CCT3: variants seen among roughly 807,000 people sequenced by gnomAD.
The protein encoded by CCT3 is chaperonin containing TCP1 subunit 3, also known as T-complex protein 1 subunit gamma.
A neutral mutation model predicts 65.3 loss-of-function variants in CCT3; 10 were observed. The ratio of observed to expected loss-of-function variants is 0.15; its 90% confidence interval spans 0.09 to 0.26. CCT3 has a LOEUF of 0.26. Among genes scored for constraint, CCT3 ranks in the 10% least tolerant of loss-of-function variants. The pLI is 1.00. For synonymous variants in CCT3, 225 were observed against 242.3 expected, an observed-to-expected ratio of 0.93 and a Z score of 0.66; for missense variants, 626 against 708.7, an observed-to-expected ratio of 0.88 and a Z score of 1.33.
At chr1:156,326,759 T>C (rs1664831514) in intron 5 of CCT3, among the ~76,000 whole-genome samples, 1 of 151,996 alleles carries the variant, frequency 6.6e-6, no homozygotes, top group Non-Finnish European at 1.5e-5. Context: ...TTGTCTTTAC[T>C]TTCTGGCTGG....
chr1:156,334,819 A>G, intron 3 of CCT3, 44 bp from the exon 4 acceptor site: 2 of 1,613,762 alleles, frequency 1.2e-6, no homozygotes, highest in Middle Eastern at 1.6e-4. Context: ...CCTAGATAAC[A>G]GGAAGAAAAA....
At chr1:156,323,816 G>A (rs952151498) in intron 6 of CCT3, among the ~76,000 whole-genome samples, 1 of 151,762 alleles carries the variant, frequency 6.6e-6, no homozygotes, top group African/African-American at 2.4e-5. Flanking sequence ...AGGCTGGAGT[G>A]CAATGGTGCG....
chr1:156,319,744 T>TA (rs963876568), intron 7 of CCT3, among the ~76,000 whole-genome samples: 25 of 152,016 alleles, frequency 1.6e-4, no homozygotes, highest in Non-Finnish European at 2.8e-4. Flanking sequence ...TCTCTCCAAT[T>TA]AAAAAAATAA....
At chr1:156,324,017 C>G (rs1558269265) in intron 6 of CCT3, among the ~76,000 whole-genome samples, 4 of 151,288 alleles carry the variant, frequency 2.6e-5, no homozygotes, top group Admixed American at 1.3e-4. Context: ...CCCGCCTTGG[C>G]CTCCCAAAGT....
chr1:156,312,697 A>C (rs1369474069), intron 10 of CCT3, among the ~76,000 whole-genome samples: 4 of 152,056 alleles, frequency 2.6e-5, no homozygotes, highest in Admixed American at 6.6e-5. Context: ...ACAACAACAA[A>C]AAAAACTGAA....
At chr1:156,327,391 C>A (rs2101659776) in intron 5 of CCT3, among the ~76,000 whole-genome samples, 1 of 152,268 alleles carries the variant, frequency 6.6e-6, no homozygotes, top group East Asian at 1.9e-4. Flanking sequence ...AACCTCCCTG[C>A]CTGATTCTCC....
intron 12 of CCT3, 83 bp from the exon 13 acceptor site, chr1:156,310,772 G>GGCCGGGCGCGGTGGCTCACGCCTGTAA: frequency 6.6e-7 from 1 of 1,507,674 alleles, no homozygotes; most frequent in Non-Finnish European, 9.1e-7. Context: ...CAATGGACCA[G>GGCCGGGCGCGGTGGCTCACGCCTGTAA]TATGGAAGGG....
chr1:156,326,671 A>G (rs983275184), intron 5 of CCT3, among the ~76,000 whole-genome samples: 2 of 117,000 alleles, frequency 1.7e-5, no homozygotes, highest in Admixed American at 1.0e-4. Context: ...AAAAAAGAAA[A>G]AGAAAAAAAA....
intron 7 of CCT3, among the ~76,000 whole-genome samples, chr1:156,319,358 C>T (rs915130543): frequency 4.6e-5 from 7 of 151,982 alleles, no homozygotes; most frequent in Admixed American, 1.3e-4. Flanking sequence ...CCTCGTGATC[C>T]GCCCGCCTCG....
chr1:156,335,975 A>G (rs1665327315), intron 1 of CCT3, 87 bp from the exon 2 acceptor site: 2 of 1,080,908 alleles, frequency 1.9e-6, no homozygotes, highest in Admixed American at 3.8e-5. Context: ...AAAAATAAGA[A>G]TGCAGGTTTC....
intron 11 of CCT3, among the ~76,000 whole-genome samples, chr1:156,311,688 A>G (rs972995795): frequency 6.6e-6 from 1 of 152,208 alleles, no homozygotes; most frequent in African/African-American, 2.4e-5. Context: ...CGTAAAAAAT[A>G]AGAAAACAGT....
chr1:156,318,799 T>C, intron 8 of CCT3, 69 bp downstream of exon 8: 2 of 1,509,638 alleles, frequency 1.3e-6, no homozygotes, highest in South Asian at 1.2e-5. Context: ...ACATACGTTT[T>C]ATTTCTGTTG....
intron 6 of CCT3, among the ~76,000 whole-genome samples, chr1:156,322,986 G>A (rs1038800421): frequency 2.0e-5 from 3 of 151,540 alleles, no homozygotes; most frequent in African/African-American, 7.3e-5. Context: ...GCCAGACAAA[G>A]ATATTAATGT....
intron 10 of CCT3, among the ~76,000 whole-genome samples, chr1:156,313,115 G>A (rs984145546): frequency 6.6e-6 from 1 of 152,060 alleles, no homozygotes. Context: ...AGGCCGAGGT[G>A]GGTGGATGAC....
chr1:156,320,234 G>A (rs1034949463), intron 7 of CCT3, among the ~76,000 whole-genome samples: 27 of 151,870 alleles, frequency 1.8e-4, no homozygotes, highest in Non-Finnish European at 2.9e-5. Flanking sequence ...GTGAAACCCC[G>A]TCTCTACTTA....
chr1:156,322,004 C>T (rs1287842392), intron 6 of CCT3, among the ~76,000 whole-genome samples: 4 of 152,160 alleles, frequency 2.6e-5, no homozygotes, highest in Non-Finnish European at 5.9e-5. Flanking sequence ...GCCTGTAAAC[C>T]CAACACTTTG....
chr1:156,333,558 A>G lies in CCT3; in HGVS notation c.293T>C (p.Val98Ala). 1 of 1,613,124 alleles carries G rather than the reference A, an allele frequency of 6.2e-7. No individual in the cohort carries two copies. The highest frequency in any genetic ancestry group is 8.5e-7 in the Non-Finnish European group (1 of 1,179,128). The change falls in exon 5 of 14, where the codon GTA (valine) becomes GCA (alanine). Residue 98 changes from valine (V) to alanine (A), a missense_variant. Coordinates refer to ENST00000295688, the MANE Select transcript of CCT3 (RefSeq NM_005998.5). ...TATTCTCCTCTTACCAAGAATAATT[A>G]CTGATGTGGTCCCATCTCCAACCTC... ...DEEVGDGTTS[V>A]IILAGEMLSV... is the part of the protein sequence containing the mutation.
At chr1:156,312,472 C>G (rs1225245708) in intron 10 of CCT3, among the ~76,000 whole-genome samples, 1 of 151,908 alleles carries the variant, frequency 6.6e-6, no homozygotes, top group Admixed American at 6.6e-5. Flanking sequence ...CCAGCCCGGG[C>G]AACATAACAA....
At position 156,335,672 on chromosome 1, in the gene CCT3, A is replaced by T. The variant is rs1488571226; in HGVS notation, c.93+155T>A. ...AGAAGGGGAGGGCTTCCTTTCCCCT[A>T]ACATCATCAGGAAAATGTTCTGAAA... On this transcript the variant is annotated intron_variant, in intron 2 of 13. Coordinates refer to ENST00000295688, the MANE Select transcript of CCT3 (RefSeq NM_005998.5). 2.4e-5 allele frequency: 14 copies of T among 594,178 alleles called. No individual in the cohort carries two copies. In the South Asian group the frequency reaches 3.2e-4, roughly 14 times the overall value. 36.8% of individuals were successfully genotyped at this position (594,178 alleles called of 1,614,324 possible). A position where few individuals can be genotyped will look rare whatever the true frequency, so the allele number is the denominator to read the frequency against.
Sources: allele counts gnomAD v4.1 joint callset (sites outside exome capture counted in the v4.1 genomes callset), GRCh38; gene constraint gnomAD v4.1.1; transcripts MANE v1.5; gene names NCBI Gene and HGNC (gene_info 2026-07-23, HGNC 2026-07-21).